The following SOX5 variants were observed in gnomAD, a reference collection of about 807,000 sequenced individuals.
SOX5 encodes transcription factor SOX-5.
A neutral mutation model predicts 92.0 loss-of-function variants in SOX5; 9 were observed. That is an observed-to-expected ratio of 0.10 (90% CI 0.06 to 0.17). The LOEUF (loss-of-function observed/expected upper bound fraction) is 0.17. Among genes scored for constraint, SOX5 ranks in the 10% least tolerant of loss-of-function variants. The pLI, the probability that SOX5 is intolerant of heterozygous loss-of-function variation, is 1.00. For synonymous variants in SOX5, 344 were observed against 336.3 expected (o/e 1.02, Z -0.25); for missense variants, 642 against 944.5 (o/e 0.68, Z 4.20).
chr12:24,131,407 A>C (rs1949634723), intron 4 of SOX5, among the ~76,000 whole-genome samples: 1 of 152,144 alleles, frequency 6.6e-6, no homozygotes, highest in South Asian at 2.1e-4. Context: ...CGGGCAAGAG[A>C]TATTGAATGC....
chr12:24,347,243 T>C (rs879859410), intron 2 of SOX5, among the ~76,000 whole-genome samples: 1 of 152,200 alleles, frequency 6.6e-6, no homozygotes, highest in African/African-American at 2.4e-5. Flanking sequence ...TATTTGCTAG[T>C]ATATGTTAAT....
intron 9 of SOX5, among the ~76,000 whole-genome samples, chr12:23,593,525 T>C (rs1951879573): frequency 6.6e-6 from 1 of 152,138 alleles, no homozygotes; most frequent in African/African-American, 2.4e-5. Flanking sequence ...TGTATGTACA[T>C]TAGTGAATGT....
chr12:24,257,900 C>T (rs551717927), intron 3 of SOX5, among the ~76,000 whole-genome samples: 5 of 152,054 alleles, frequency 3.3e-5, no homozygotes, highest in Non-Finnish European at 7.4e-5. Flanking sequence ...TCTGGTCAGG[C>T]GCCATGGCTC....
chr12:24,068,990 G>GAA (rs777019850), intron 4 of SOX5, among the ~76,000 whole-genome samples: 2 of 138,704 alleles, frequency 1.4e-5, no homozygotes, highest in Non-Finnish European at 1.6e-5. Context: ...AGGAATTTGG[G>GAA]AAAAAAAAAA....
chr12:24,192,560 G>A (rs546408100), intron 4 of SOX5, among the ~76,000 whole-genome samples: 98 of 152,142 alleles, frequency 6.4e-4, no homozygotes, highest in Middle Eastern at 3.4e-3. Context: ...ATGAAATATC[G>A]AATTCAAAAC....
intron 11 of SOX5, among the ~76,000 whole-genome samples, chr12:23,549,093 T>C (rs1943693249): frequency 6.6e-6 from 1 of 152,030 alleles, no homozygotes; most frequent in Non-Finnish European, 1.5e-5. Flanking sequence ...TTTCCTTTTC[T>C]AAAAGTGTTT....
intron 1 of SOX5, among the ~76,000 whole-genome samples, chr12:24,456,738 A>G (rs560439446): frequency 6.6e-6 from 1 of 152,284 alleles, no homozygotes; most frequent in Admixed American, 6.5e-5. Flanking sequence ...AAGTTTGCAA[A>G]TGTGAAAGCT....
chr12:24,426,375 G>A (rs867604637), intron 1 of SOX5, among the ~76,000 whole-genome samples: 8 of 152,198 alleles, frequency 5.3e-5, no homozygotes, highest in Middle Eastern at 3.4e-3. Context: ...CAAGTTGATG[G>A]GTGCAGCAAA....
At position 23,778,012 on chromosome 12, in the gene SOX5, C is replaced by A. The variant is rs2095161996; in HGVS notation, c.482-22288G>T. Among the ~76,000 whole-genome samples, 7 of 152,132 alleles carry A rather than the reference C, an allele frequency of 4.6e-5. No individual in the cohort carries two copies. In the South Asian group the frequency reaches 1.4e-3, roughly 31 times the overall value. ...CACAAATCAACAACTTCATCTGAGGCTCCACCAAAGAAATGGCAACATGTT... is the reference window on the plus strand; with the variant it reads ...CACAAATCAACAACTTCATCTGAGGATCCACCAAAGAAATGGCAACATGTT... On this transcript the variant is annotated intron_variant, in intron 3 of 14. Transcript: ENST00000451604.
chr12:24,464,463 C>T (rs1164042394), intron 1 of SOX5, among the ~76,000 whole-genome samples: 2 of 152,100 alleles, frequency 1.3e-5, no homozygotes, highest in African/African-American at 4.8e-5. Context: ...GCCTCAGCCT[C>T]CCGAGTAGCT....
At chr12:23,574,841 C>T (rs555364894) in intron 10 of SOX5, among the ~76,000 whole-genome samples, 1 of 152,232 alleles carries the variant, frequency 6.6e-6, no homozygotes, top group African/African-American at 2.4e-5. Flanking sequence ...CTAACTCATA[C>T]TTTTCTGTAG....
intron 2 of SOX5, among the ~76,000 whole-genome samples, chr12:23,855,202 A>C (rs1017030769): frequency 6.6e-5 from 10 of 152,028 alleles, no homozygotes; most frequent in Non-Finnish European, 1.2e-4. Context: ...ATCAAACTGT[A>C]TCCAGGGAAA....
chr12:24,416,982 G>A (rs1965125718), intron 1 of SOX5, among the ~76,000 whole-genome samples: 1 of 152,134 alleles, frequency 6.6e-6, no homozygotes, highest in South Asian at 2.1e-4. Flanking sequence ...CCGCTGCATC[G>A]TAGGGGTGAC....
chr12:23,999,831 T>C (rs1453526236), intron 4 of SOX5, among the ~76,000 whole-genome samples: 1 of 151,840 alleles, frequency 6.6e-6, no homozygotes, highest in Non-Finnish European at 1.5e-5. Context: ...GAACAAATAA[T>C]GAGAGAGTAC....
At chr12:24,496,190 A>G (rs1222087127) in intron 1 of SOX5, among the ~76,000 whole-genome samples, 1 of 152,036 alleles carries the variant, frequency 6.6e-6, no homozygotes, top group Non-Finnish European at 1.5e-5. Context: ...TTTTCAAGCA[A>G]CTCCTACACA....
At chr12:23,716,201 C>A (rs78355654) in intron 6 of SOX5, among the ~76,000 whole-genome samples, 1,831 of 152,132 alleles carry the variant, frequency 0.012, 47 homozygotes, top group African/African-American at 0.042. Flanking sequence ...AGGCTAATAC[C>A]AAAATTCAAT....
intron 3 of SOX5, among the ~76,000 whole-genome samples, chr12:23,756,338 T>G (rs2094377118): frequency 6.6e-6 from 1 of 151,850 alleles, no homozygotes; most frequent in Non-Finnish European, 1.5e-5. Context: ...ATTATTTGCT[T>G]ATTTCAGATT....
chr12:23,598,387 CTTTTTTTTTTTTTTTTT>C (rs201719026), intron 9 of SOX5, among the ~76,000 whole-genome samples: 4 of 95,116 alleles, frequency 4.2e-5, no homozygotes, highest in Non-Finnish European at 6.0e-5. Context: ...TGTGCTTTAT[CTTTTTTTTTTTTTTTTT>C]TTTTTTTTTT....
intron 3 of SOX5, among the ~76,000 whole-genome samples, chr12:24,258,762 T>C (rs1941636140): frequency 6.6e-6 from 1 of 152,248 alleles, no homozygotes; most frequent in African/African-American, 2.4e-5. Context: ...TTAGCAATAA[T>C]AACATATATT....
Sources: allele counts gnomAD v4.1 joint callset (sites outside exome capture counted in the v4.1 genomes callset), GRCh38; gene constraint gnomAD v4.1.1; transcripts MANE v1.5; gene names NCBI Gene and HGNC (gene_info 2026-07-23, HGNC 2026-07-21).